SEPTIN11: variants seen among roughly 807,000 people sequenced by gnomAD.
The protein encoded by SEPTIN11 is septin-11.
A neutral mutation model predicts 51.4 loss-of-function variants in SEPTIN11; 25 were observed. The observed-to-expected ratio is 0.49, with a 90% CI of 0.35 to 0.68. SEPTIN11 has a LOEUF of 0.68. SEPTIN11 is among the 30% of genes least tolerant of loss of function. The probability of loss-of-function intolerance (pLI) is 0.00; values close to 1 mark genes in which losing one functional copy is unlikely to be tolerated. For synonymous variants in SEPTIN11, 174 were observed against 184.1 expected (o/e 0.95, Z 0.44); for missense variants, 381 against 520.8 (o/e 0.73, Z 2.61).
At chr4:76,977,126 A>G (rs561862400) in intron 1 of SEPTIN11, among the ~76,000 whole-genome samples, 2 of 152,222 alleles carry the variant, frequency 1.3e-5, no homozygotes, top group Middle Eastern at 3.2e-3. Context: ...CTCAAGAGAG[A>G]GAGAATATGG....
At chr4:77,034,292 A>G (rs1726881680) in intron 9 of SEPTIN11, among the ~76,000 whole-genome samples, 1 of 152,200 alleles carries the variant, frequency 6.6e-6, no homozygotes, top group African/African-American at 2.4e-5. Flanking sequence ...GAAACTAACC[A>G]TATGTCTTTA....
At chr4:76,981,810 C>T (rs1722783518) in intron 1 of SEPTIN11, among the ~76,000 whole-genome samples, 1 of 151,680 alleles carries the variant, frequency 6.6e-6, no homozygotes, top group African/African-American at 2.4e-5. Context: ...ATGGTTGCCC[C>T]AGCTGGTAAT....
chr4:77,018,045 A>G (rs62302331), intron 5 of SEPTIN11, among the ~76,000 whole-genome samples: 13,469 of 152,310 alleles, frequency 0.088, 650 homozygotes, highest in Non-Finnish European at 0.12. Context: ...ATTTTCTAGT[A>G]GCTACCTTAA....
chr4:77,031,764 T>G (rs1726655143), intron 9 of SEPTIN11: 2 of 152,180 alleles, frequency 1.3e-5, no homozygotes, highest in Non-Finnish European at 2.9e-5. Flanking sequence ...AGCACGATGG[T>G]AAGAATACCA....
At chr4:77,006,100 C>G (rs549073866) in intron 3 of SEPTIN11, among the ~76,000 whole-genome samples, 47 of 152,110 alleles carry the variant, frequency 3.1e-4, no homozygotes, top group African/African-American at 1.1e-3. Flanking sequence ...GGCTTTCCTA[C>G]CAGGAAAAGC....
At chr4:77,020,766 G>A (rs995377559) in intron 7 of SEPTIN11, 96 bp downstream of exon 7, 61 of 1,172,416 alleles carry the variant, frequency 5.2e-5, no homozygotes, top group Non-Finnish European at 7.0e-5. Context: ...AGATGGTGAT[G>A]ATGGAAGGAT....
At chr4:77,002,701 T>C (rs1724199133) in intron 2 of SEPTIN11, among the ~76,000 whole-genome samples, 1 of 152,130 alleles carries the variant, frequency 6.6e-6, no homozygotes, top group Admixed American at 6.5e-5. Flanking sequence ...GAATGGTGAG[T>C]GTGAACTTGT....
At chr4:76,972,339 A>G (rs1016354979) in intron 1 of SEPTIN11, 13 of 152,178 alleles carry the variant, frequency 8.5e-5, no homozygotes. Context: ...CTTCACTGAA[A>G]TTCACTTAAT....
intron 7 of SEPTIN11, among the ~76,000 whole-genome samples, chr4:77,025,530 G>A (rs1726056797): frequency 6.6e-6 from 1 of 151,090 alleles, no homozygotes; most frequent in Non-Finnish European, 1.5e-5. Context: ...GGGTGAGACA[G>A]TAGGAACCTG....
chr4:77,019,327 C>T, intron 6 of SEPTIN11, 66 bp downstream of exon 6: 1 of 1,362,964 alleles, frequency 7.3e-7, no homozygotes, highest in Non-Finnish European at 1.0e-6. Context: ...CGTGTTTGTT[C>T]ATTTTCCGTC....
chr4:76,971,961 T>C (rs900843716), intron 1 of SEPTIN11, among the ~76,000 whole-genome samples: 3 of 152,202 alleles, frequency 2.0e-5, no homozygotes, highest in African/African-American at 7.2e-5. Flanking sequence ...TAAAAGTAAT[T>C]GTTAACTAAA....
Position 77,036,894 on chromosome 4 carries a change from A to G in SEPTIN11, c.*2382A>G. The G allele has an allele frequency of 7.2e-7, 1 of 1,391,910 alleles. No homozygotes were observed. Among genetic ancestry groups the G allele is most frequent in the Non-Finnish European group, 9.3e-7 (1 of 1,079,420 alleles). The allele number at this position is 1,391,910 out of a possible 1,614,324, so 86.2% of individuals were successfully genotyped here. ...TTTCTGACTTTTCAAAATTAGAGAA[A>G]GCAAATGGGATGGATAGATTTTTTT... On this transcript the variant is annotated 3_prime_UTR_variant, in exon 10 of 10. Transcript: ENST00000264893.
intron 1 of SEPTIN11, among the ~76,000 whole-genome samples, chr4:76,963,983 G>A (rs1025344951): frequency 6.6e-6 from 1 of 151,890 alleles, no homozygotes; most frequent in Non-Finnish European, 1.5e-5. Flanking sequence ...GCCCCAGTGT[G>A]TGATGTTCCC....
chr4:76,987,911 G>A, intron 1 of SEPTIN11: 3 of 750,616 alleles, frequency 4.0e-6, no homozygotes, highest in Non-Finnish European at 4.9e-6. Flanking sequence ...ATTCTGTAAG[G>A]AGAAAAGACA....
At chr4:76,986,087 A>G (rs1386732369) in intron 1 of SEPTIN11, among the ~76,000 whole-genome samples, 1 of 152,178 alleles carries the variant, frequency 6.6e-6, no homozygotes, top group African/African-American at 2.4e-5. Context: ...GATGACTTCA[A>G]GTCTTCACTG....
Position 77,036,475 on chromosome 4 carries a change from T to C in SEPTIN11, c.*1963T>C. On this transcript the variant is annotated 3_prime_UTR_variant, in exon 10 of 10. Coordinates refer to ENST00000264893, the MANE Select transcript of SEPTIN11 (RefSeq NM_018243.4). The stretch of plus-strand genomic sequence containing the variant: ...CTTGTACAGAAAGTACACTTTTAAA[T>C]TGTCTCTTGCATCACTAAAATTTTT... 1.6e-6 allele frequency: 2 copies of C among 1,269,666 alleles called. No homozygotes were observed. Among genetic ancestry groups the C allele is most frequent in the Non-Finnish European group, 2.0e-6 (2 of 1,003,146 alleles). 78.7% of individuals were successfully genotyped at this position (1,269,666 alleles called of 1,614,324 possible).
intron 3 of SEPTIN11, among the ~76,000 whole-genome samples, chr4:77,007,579 T>G (rs1425299196): frequency 6.6e-6 from 1 of 152,176 alleles, no homozygotes; most frequent in Non-Finnish European, 1.5e-5. Flanking sequence ...ACAATGCATA[T>G]CCTCATATTT....
rs776898839 is a variant in SEPTIN11, at chr4:77,024,383, C to T, written c.953+3713C>T. ...CTGCCCTGAAGCCTTGAAACTCATG[C>T]GTCTACCACCCAGAGCACCCATGCT... is the stretch of plus-strand genomic sequence containing the variant. On this transcript the variant is annotated intron_variant, in intron 7 of 9. Coordinates refer to ENST00000264893, the MANE Select transcript of SEPTIN11 (RefSeq NM_018243.4). This position sits in a 1 kb window ranked among gnomAD's most constrained non-coding sequence, Gnocchi z 4.2. Among the ~76,000 whole-genome samples the T allele has an allele frequency of 8.5e-5, 13 of 152,106 alleles. No homozygotes were observed. The highest frequency in any genetic ancestry group is 1.3e-4 in the Non-Finnish European group (9 of 68,024).
Position 77,036,795 on chromosome 4 carries a change from A to G in SEPTIN11, c.*2283A>G. The G allele has an allele frequency of 6.5e-7, 1 of 1,532,716 alleles. No homozygotes were observed. Among genetic ancestry groups the G allele is most frequent in the African/African-American group, 1.4e-5 (1 of 72,822 alleles). The allele number at this position is 1,532,716 out of a possible 1,614,324, so 94.9% of individuals were successfully genotyped here. A position where few individuals can be genotyped will look rare whatever the true frequency, so the allele number is the denominator to read the frequency against. ...TAGTCCTTGGCTCTGCACGGAATAAATGATACCCTCAAATCTAATTGGATG... is the reference window on the plus strand; with the variant it reads ...TAGTCCTTGGCTCTGCACGGAATAAGTGATACCCTCAAATCTAATTGGATG... On this transcript the variant is annotated 3_prime_UTR_variant, in exon 10 of 10. Coordinates refer to ENST00000264893, the MANE Select transcript of SEPTIN11 (RefSeq NM_018243.4).
Sources: gnomAD v4.1 joint callset for allele counts (sites outside exome capture counted in the v4.1 genomes callset) on GRCh38, gnomAD v4.1.1 for gene constraint, Gnocchi (gnomAD v3.1) non-coding constraint, MANE v1.5 for transcripts, NCBI Gene and HGNC (gene_info 2026-07-23, HGNC 2026-07-21) for gene names.